CRB2: variants seen among roughly 807,000 people sequenced by gnomAD.
CRB2 encodes crumbs cell polarity complex component 2.
A neutral mutation model predicts 110.9 loss-of-function variants in CRB2; 85 were observed. That is an observed-to-expected ratio of 0.77 (90% CI 0.64 to 0.92). The LOEUF is 0.92. Among genes scored for constraint, CRB2 ranks in the 40% least tolerant of loss-of-function variants. The probability of loss-of-function intolerance (pLI) is 0.00; values close to 1 mark genes in which losing one functional copy is unlikely to be tolerated. For missense variants in CRB2, 1,843 were observed against 1,851.3 expected (o/e 1.00, Z 0.08); for synonymous variants, 907 against 831.0 (o/e 1.09, Z -1.57).
intron 4 of CRB2, 35 bp from the exon 5 acceptor site, chr9:123,367,137 C>T (rs377400870): frequency 1.4e-5 from 21 of 1,532,136 alleles, no homozygotes; most frequent in South Asian, 5.0e-5. Flanking sequence ...CCGGCAACCC[C>T]GTGAGACCTG....
Position 123,373,737 on chromosome 9 carries a change from G to A in CRB2, c.3206G>A (p.Gly1069Asp). The part of the protein sequence containing the change: ...VCAPSPCLHD[G>D]ACRDLFDAFA... ...GCGCCCTCGCCCTGTCTGCACGACG[G>A]TGCCTGCCGTGACCTCTTCGACGCC... The change falls in exon 10 of 13, where the codon GGT becomes GAT. Residue 1069 changes from glycine (G) to aspartate (D), a missense_variant. Gly to Asp is a moderately conservative substitution (Grantham distance 94, BLOSUM62 -1). Transcript: ENST00000373631. 1 of 1,581,892 alleles carries A rather than the reference G, an allele frequency of 6.3e-7. No individual in the cohort carries two copies. The highest frequency in any genetic ancestry group is 2.3e-5 in the East Asian group (1 of 43,018).
At chr9:123,369,158 C>A (rs946858499) in intron 6 of CRB2, among the ~76,000 whole-genome samples, 1 of 152,006 alleles carries the variant, frequency 6.6e-6, no homozygotes, top group African/African-American at 2.4e-5. Flanking sequence ...CTGAAGGGAT[C>A]CCTAGAGGGA....
rs77749765 is a variant in CRB2 at position 123,357,130 on chromosome 9, C to T, written c.94+776C>T. ...GGGGATTTGGGAACATGTGTGTGTC[C>T]CCTGCTGCCCCCTCCCCAGCATTCC... is the stretch of plus-strand genomic sequence containing the variant. On this transcript the variant is annotated intron_variant, in intron 1 of 12. Coordinates refer to ENST00000373631, the MANE Select transcript of CRB2 (RefSeq NM_173689.7). Among the ~76,000 whole-genome samples, 308 of 152,072 alleles carry T rather than the reference C, an allele frequency of 2.0e-3. 2 individuals are homozygous for T. Among genetic ancestry groups the T allele is most frequent in the African/African-American group, 7.3e-3 (304 of 41,466 alleles).
intron 6 of CRB2, 148 bp from the exon 7 acceptor site, chr9:123,369,960 G>A: frequency 7.6e-6 from 7 of 916,592 alleles, no homozygotes; most frequent in South Asian, 6.7e-5. Context: ...GCCTACGGGG[G>A]GACTTGAGGG....
At chr9:123,374,510 C>A (rs753153279) in intron 10 of CRB2, 69 bp from the exon 11 acceptor site, 13 of 1,143,320 alleles carry the variant, frequency 1.1e-5, no homozygotes, top group Non-Finnish European at 1.7e-5. Context: ...AGGTGGCCCA[C>A]GGTCACAGCG....
Position 123,373,114 on chromosome 9 carries a change from G to A in CRB2, c.2603-20G>A. ...GAGAAGGCTCCGTGGGCTATTCCCT[G>A]AGGCTCCTTCTCTCCGCAGGTGTGG... is the stretch of plus-strand genomic sequence containing the variant. On this transcript the variant is annotated intron_variant, in intron 9 of 12. Transcript: ENST00000373631. 6.8e-7 allele frequency: 1 copy of A among 1,475,566 alleles called. No individual in the cohort carries two copies. The highest frequency in any genetic ancestry group is 9.0e-7 in the Non-Finnish European group (1 of 1,116,068). The allele number at this position is 1,475,566 out of a possible 1,614,324, so 91.4% of individuals were successfully genotyped here. A position where few individuals can be genotyped will look rare whatever the true frequency, so the allele number is the denominator to read the frequency against.
chr9:123,356,196 TGC>T lies in CRB2; in HGVS notation c.-63_-62del. 1 of 1,131,228 alleles carries T rather than the reference TGC, an allele frequency of 8.8e-7. No individual in the cohort carries two copies. Among genetic ancestry groups the T allele is most frequent in the Non-Finnish European group, 1.2e-6 (1 of 834,982 alleles). The allele number at this position is 1,131,228 out of a possible 1,614,324, so 70.1% of individuals were successfully genotyped here. A position where few individuals can be genotyped will look rare whatever the true frequency, so the allele number is the denominator to read the frequency against. ...GTGCTGGTTGGAGGGACGAGGGGGG[TGC>T]GGAGCCAGCCAGGCCGCCCTCCCGT... On this transcript the variant is annotated 5_prime_UTR_variant, in exon 1 of 13. Coordinates refer to ENST00000373631, the MANE Select transcript of CRB2 (RefSeq NM_173689.7).
chr9:123,375,369 C>G (rs200737275), intron 12 of CRB2, 26 bp downstream of exon 12: 2 of 1,555,426 alleles, frequency 1.3e-6, no homozygotes, highest in South Asian at 2.5e-5. Context: ...GGTGAGGGGC[C>G]GTGGACGTGG....
At position 123,370,750 on chromosome 9, in the gene CRB2, TCTC is replaced by T. The variant is rs751516586; in HGVS notation, c.1701_1703del (p.Ser568del). 1.2e-6 allele frequency: 2 copies of T among 1,603,062 alleles called. No individual in the cohort carries two copies. The highest frequency in any genetic ancestry group is 1.7e-6 in the Non-Finnish European group (2 of 1,179,940). ...TCGGCAACTCCGCTGCCTGCCGGGATCTCCTCTGCCCAGCTGGGGGACGCGACC... is the reference window on the plus strand; with the variant it reads ...TCGGCAACTCCGCTGCCTGCCGGGATCTCTGCCCAGCTGGGGGACGCGACC... On this transcript the variant is annotated inframe_deletion, in exon 7 of 13. Transcript: ENST00000373631.
Position 123,356,284 on chromosome 9 carries a change from C to A in CRB2, c.24C>A (p.Thr8=). Residue 8 remains threonine (T), a synonymous_variant, in exon 1 of 13, where the codon ACC becomes ACA. Transcript: ENST00000373631. Reference sequence around the variant, plus strand: ...CCATGGCGCTGGCCAGGCCTGGGACCCCGGACCCCCAGGCCCTGGCCTCTG... The same window carrying A: ...CCATGGCGCTGGCCAGGCCTGGGACACCGGACCCCCAGGCCCTGGCCTCTG... The part of the protein sequence containing the change: MALARPG[T]PDPQALASVL... 6.5e-7 allele frequency: 1 copy of A among 1,539,134 alleles called. No homozygotes were observed. Among genetic ancestry groups the A allele is most frequent in the Non-Finnish European group, 8.7e-7 (1 of 1,143,628 alleles).
chr9:123,363,280 C>A, intron 2 of CRB2, 92 bp downstream of exon 2: 1 of 1,335,698 alleles, frequency 7.5e-7, no homozygotes, highest in Non-Finnish European at 1.0e-6. Context: ...CTTTGCCTTT[C>A]GTGTAGGGAC....
intron 12 of CRB2, 45 bp downstream of exon 12, chr9:123,375,388 G>C (rs779018001): frequency 1.3e-6 from 2 of 1,533,042 alleles, no homozygotes; most frequent in Non-Finnish European, 1.8e-6. Context: ...GGCCTGCTGG[G>C]CCCTTGGCGA....
intron 5 of CRB2, 43 bp downstream of exon 5, chr9:123,367,400 C>T: frequency 6.5e-7 from 1 of 1,546,788 alleles, no homozygotes; most frequent in Non-Finnish European, 8.7e-7. Context: ...GTCCAGATGC[C>T]CAGGGAGGGA....
intron 11 of CRB2, 82 bp from the exon 12 acceptor site, chr9:123,375,135 G>C: frequency 6.3e-7 from 1 of 1,584,874 alleles, no homozygotes; most frequent in Non-Finnish European, 8.6e-7. Flanking sequence ...GCTTGCTGAA[G>C]TGGGGATGGG....
intron 4 of CRB2, among the ~76,000 whole-genome samples, chr9:123,366,583 C>T (rs200454085): frequency 2.6e-5 from 4 of 152,092 alleles, no homozygotes; most frequent in Non-Finnish European, 1.5e-5. Flanking sequence ...GCGGGGAGCT[C>T]GAAGGTGCGA....
chr9:123,373,590 G>A lies in CRB2; in HGVS notation c.3059G>A (p.Gly1020Asp), dbSNP rs775079729. ...GGCTGCTTGGGCCGCGTGGCGCTGG[G>A]CGGCCTGCCCCTGCCCTTGGCGCGG... is the stretch of plus-strand genomic sequence containing the variant. ...FTGCLGRVAL[G>D]GLPLPLARPR... The change falls in exon 10 of 13, where the codon GGC (glycine) becomes GAC (aspartate). Residue 1020 changes from glycine (G) to aspartate (D), a missense_variant. By Grantham distance (94) the Gly-to-Asp change is moderately conservative (BLOSUM62 -1). Transcript: ENST00000373631. 18 of 1,438,216 alleles carry A rather than the reference G, an allele frequency of 1.3e-5. No homozygotes were observed. In the Admixed American group the frequency reaches 4.2e-4, roughly 33 times the overall value. 89.1% of individuals were successfully genotyped at this position (1,438,216 alleles called of 1,614,324 possible). A position where few individuals can be genotyped will look rare whatever the true frequency, so the allele number is the denominator to read the frequency against.
intron 2 of CRB2, among the ~76,000 whole-genome samples, chr9:123,365,127 G>A (rs2041914297): frequency 6.6e-6 from 1 of 152,094 alleles, no homozygotes; most frequent in Non-Finnish European, 1.5e-5. Context: ...GCCGGGTGAG[G>A]TGGCATGCAC....
At chr9:123,359,430 GTTTTTGTTTTGTTTTTTTTTTTT>G (rs2041836464) in intron 1 of CRB2, among the ~76,000 whole-genome samples, 1 of 98,026 alleles carries the variant, frequency 1.0e-5, no homozygotes, top group Non-Finnish European at 2.0e-5. Context: ...GTGGTTTTTC[GTTTTTGTTTTGTTTTTTTTTTTT>G]TTTTTTTTTT....
chr9:123,364,154 T>G (rs1327462801), intron 2 of CRB2, among the ~76,000 whole-genome samples: 1 of 152,216 alleles, frequency 6.6e-6, no homozygotes, highest in South Asian at 2.1e-4. Flanking sequence ...TGCATCTTTC[T>G]CATCGTTCCA....
Sources: allele counts gnomAD v4.1 joint callset (sites outside exome capture counted in the v4.1 genomes callset), GRCh38; gene constraint gnomAD v4.1.1; transcripts MANE v1.5; gene names NCBI Gene and HGNC (gene_info 2026-07-23, HGNC 2026-07-21).